Variants in IGF1R observed in about 807,000 individuals in gnomAD.
The protein encoded by IGF1R is insulin-like growth factor 1 receptor.
In IGF1R, 44 loss-of-function variants were observed where a neutral mutation model predicts 144.6. The observed-to-expected ratio is 0.30, with a 90% CI of 0.24 to 0.39. IGF1R has a LOEUF of 0.39. IGF1R is among the 10% of genes least tolerant of loss of function. IGF1R has a pLI of 1.00. For synonymous variants in IGF1R, 795 were observed against 722.8 expected (o/e 1.10, Z -1.60); for missense variants, 1,355 against 1,833.7 (o/e 0.74, Z 4.77).
chr15:98,773,778 G>T (rs565306601), intron 2 of IGF1R, among the ~76,000 whole-genome samples: 46 of 152,294 alleles, frequency 3.0e-4, no homozygotes, highest in Middle Eastern at 6.8e-3. Context: ...CTGGGAAGCA[G>T]TGCTCTCTCT....
At chr15:98,723,941 C>G (rs950587353) in intron 2 of IGF1R, among the ~76,000 whole-genome samples, 5 of 152,056 alleles carry the variant, frequency 3.3e-5, no homozygotes, top group African/African-American at 1.2e-4. Context: ...CAGAAGGTTT[C>G]CCAGAATTTG....
chr15:98,834,392 G>T (rs2141511304), intron 2 of IGF1R, among the ~76,000 whole-genome samples: 1 of 152,312 alleles, frequency 6.6e-6, no homozygotes, highest in Middle Eastern at 3.4e-3. Flanking sequence ...AAACACTCCA[G>T]CTTCAGCAAT....
intron 2 of IGF1R, among the ~76,000 whole-genome samples, chr15:98,775,800 G>A (rs1038816857): frequency 1.3e-5 from 2 of 152,198 alleles, no homozygotes; most frequent in Admixed American, 6.5e-5. Context: ...AGCAGGTCTC[G>A]GGCTGGTTGG....
At chr15:98,726,706 T>C (rs970827371) in intron 2 of IGF1R, among the ~76,000 whole-genome samples, 13 of 150,164 alleles carry the variant, frequency 8.7e-5, no homozygotes, top group African/African-American at 7.4e-5. Flanking sequence ...CATTTTTACA[T>C]TGATGATTTT....
rs918224602 is a variant in IGF1R at position 98,703,936 on chromosome 15, T to C, written c.95-3626T>C. Among the ~76,000 whole-genome samples, 9 of 152,194 alleles carry C rather than the reference T, an allele frequency of 5.9e-5. No homozygotes were observed. The East Asian group carries it at 1.7e-3, about 29-fold the overall frequency. ...TCCAAAAATCCAAAATCCAGAATGC[T>C]TCAAAAGTTTCAGCTTTTGGAGCAC... is the stretch of plus-strand genomic sequence containing the variant. On this transcript the variant is annotated intron_variant, in intron 1 of 20. Coordinates refer to ENST00000650285, the MANE Select transcript of IGF1R (RefSeq NM_000875.5).
intron 1 of IGF1R, among the ~76,000 whole-genome samples, chr15:98,657,903 A>G (rs762777826): frequency 3.3e-5 from 5 of 152,140 alleles, no homozygotes; most frequent in Admixed American, 6.6e-5. Context: ...ATTGACCCCT[A>G]TTCCGGGATC....
intron 2 of IGF1R, among the ~76,000 whole-genome samples, chr15:98,760,698 G>A (rs1425205147): frequency 6.6e-6 from 1 of 152,222 alleles, no homozygotes; most frequent in Non-Finnish European, 1.5e-5. Flanking sequence ...CACTTGTAGT[G>A]ATTGGAATGT....
chr15:98,739,704 G>A (rs1433305795), intron 2 of IGF1R, among the ~76,000 whole-genome samples: 1 of 152,160 alleles, frequency 6.6e-6, no homozygotes, highest in East Asian at 1.9e-4. Context: ...TGCCTCCCAG[G>A]TTCAAGTCTC....
At chr15:98,685,298 C>T (rs2053298114) in intron 1 of IGF1R, among the ~76,000 whole-genome samples, 1 of 152,194 alleles carries the variant, frequency 6.6e-6, no homozygotes, top group Admixed American at 6.5e-5. Flanking sequence ...GCAGTCCTGT[C>T]ACCATACTTC....
intron 2 of IGF1R, among the ~76,000 whole-genome samples, chr15:98,758,376 C>T (rs2055210200): frequency 1.3e-5 from 2 of 152,244 alleles, no homozygotes; most frequent in Non-Finnish European, 2.9e-5. Flanking sequence ...GCTCCTGCGT[C>T]GTCCTCAGTG....
intron 2 of IGF1R, among the ~76,000 whole-genome samples, chr15:98,807,132 A>G (rs2056489328): frequency 6.6e-6 from 1 of 152,246 alleles, no homozygotes; most frequent in South Asian, 2.1e-4. Flanking sequence ...ACAGTTGCTC[A>G]GTGAAATGCT....
intron 1 of IGF1R, among the ~76,000 whole-genome samples, chr15:98,671,938 A>AT (rs1303854025): frequency 6.6e-6 from 1 of 152,228 alleles, no homozygotes; most frequent in Non-Finnish European, 1.5e-5. Flanking sequence ...TATGAAGGCG[A>AT]TAAGTCGAAA....
chr15:98,804,523 G>A (rs185899790), intron 2 of IGF1R, among the ~76,000 whole-genome samples: 1 of 152,102 alleles, frequency 6.6e-6, no homozygotes, highest in Admixed American at 6.5e-5. Context: ...TGCTTTGAGA[G>A]GATGGGGATG....
intron 1 of IGF1R, among the ~76,000 whole-genome samples, chr15:98,676,109 C>T (rs1353163779): frequency 2.0e-5 from 3 of 151,932 alleles, no homozygotes; most frequent in South Asian, 2.1e-4. Flanking sequence ...GGATTACAGA[C>T]GTGAGCCACT....
intron 2 of IGF1R, among the ~76,000 whole-genome samples, chr15:98,785,551 C>T (rs982172372): frequency 2.0e-5 from 3 of 152,120 alleles, no homozygotes; most frequent in African/African-American, 4.8e-5. Context: ...GCCCCAGGGC[C>T]GCAGGCTTTA....
chr15:98,894,741 T>C (rs986346458), intron 3 of IGF1R, among the ~76,000 whole-genome samples: 1 of 152,122 alleles, frequency 6.6e-6, no homozygotes, highest in Non-Finnish European at 1.5e-5. Context: ...GTGTCTCTAC[T>C]AAAATTACAA....
At chr15:98,879,049 A>G (rs1355869660) in intron 2 of IGF1R, among the ~76,000 whole-genome samples, 1 of 152,090 alleles carries the variant, frequency 6.6e-6, no homozygotes, top group Non-Finnish European at 1.5e-5. Flanking sequence ...CTGTGTGTCC[A>G]TGCGTGAAGA....
intron 1 of IGF1R, among the ~76,000 whole-genome samples, chr15:98,698,142 G>T (rs1200098578): frequency 6.6e-6 from 1 of 151,274 alleles, no homozygotes; most frequent in Non-Finnish European, 1.5e-5. Context: ...AGGTTGAAGT[G>T]ATTCTTCTGC....
Position 98,883,823 on chromosome 15 carries a change from A to G in IGF1R, c.641-7502A>G, listed in dbSNP as rs546069230. ...TGCCTCCCTGGAAAAGCAGCAGGGC[A>G]CACAGGCTTCCTAGGCAGCCCCTGA... On this transcript the variant is annotated intron_variant, in intron 2 of 20. Transcript: ENST00000650285. Among the ~76,000 whole-genome samples, 7 of 152,304 alleles carry G rather than the reference A, an allele frequency of 4.6e-5. No individual in the cohort carries two copies. In the South Asian group the frequency reaches 1.4e-3, roughly 32 times the overall value.
Sources: gnomAD v4.1 joint callset for allele counts (sites outside exome capture counted in the v4.1 genomes callset) on GRCh38, gnomAD v4.1.1 for gene constraint, MANE v1.5 for transcripts, NCBI Gene and HGNC (gene_info 2026-07-23, HGNC 2026-07-21) for gene names.